TP63: variants seen among roughly 807,000 people sequenced by gnomAD.
TP63 encodes tumor protein 63.
TP63 carries 17 observed loss-of-function variants against 82.8 expected under a neutral mutation model. The ratio of observed to expected loss-of-function variants is 0.21; its 90% CI spans 0.14 to 0.31. The LOEUF is 0.31. TP63 is among the 10% of genes least tolerant of loss of function. TP63 has a pLI of 1.00. For synonymous variants in TP63, 330 were observed against 321.7 expected, an observed-to-expected ratio of 1.03 and a Z score of -0.28; for missense variants, 648 against 895.3, an observed-to-expected ratio of 0.72 and a Z score of 3.52.
chr3:189,598,105 ACTGAATGACAGGTCAG>A, the TP63 span, among the ~76,000 whole-genome samples: 1 of 152,116 alleles, frequency 6.6e-6, no homozygotes, highest in Admixed American at 6.6e-5. Context: ...AGACTAGTGA[ACTGAATGACAGGTCAG>A]CATAAAATAT....
At chr3:189,658,094 A>G (rs1713549198) in intron 1 of TP63, among the ~76,000 whole-genome samples, 1 of 152,130 alleles carries the variant, frequency 6.6e-6, no homozygotes, top group Non-Finnish European at 1.5e-5. Context: ...GTTTCTAACA[A>G]CAGAAACAAT....
intron 4 of TP63, among the ~76,000 whole-genome samples, chr3:189,831,430 A>G (rs192673319): frequency 1.6e-4 from 25 of 152,178 alleles, no homozygotes; most frequent in African/African-American, 6.0e-4. Context: ...TTATACATTT[A>G]TATGCACAGG....
chr3:189,880,078 G>C (rs775499232), intron 10 of TP63: 2 of 1,613,684 alleles, frequency 1.2e-6, no homozygotes, highest in Non-Finnish European at 8.5e-7. Flanking sequence ...CTTTCAGCCT[G>C]CTTCAGGAAT....
intron 1 of TP63, among the ~76,000 whole-genome samples, chr3:189,733,519 G>A (rs548407866): frequency 2.0e-5 from 3 of 152,284 alleles, no homozygotes; most frequent in East Asian, 1.9e-4. Context: ...CAGGCATCCC[G>A]TTTGGATCTT....
chr3:189,645,794 T>A (rs1463260656), intron 1 of TP63, among the ~76,000 whole-genome samples: 1 of 146,868 alleles, frequency 6.8e-6, no homozygotes, highest in African/African-American at 2.6e-5. Flanking sequence ...CTCAGAATGA[T>A]GGTTTCCAGC....
rs974066996 is a variant in TP63 at position 189,754,004 on chromosome 3, C to G, written c.324+15230C>G. Among the ~76,000 whole-genome samples, 9 of 152,210 alleles carry G rather than the reference C, an allele frequency of 5.9e-5. No homozygotes were observed. The East Asian group carries it at 1.7e-3, about 29-fold the overall frequency. ...TATTTCTGTACATTGAAAACTTCAT[C>G]AGATGCTTATAATTTTTACTTTTGT... is the stretch of plus-strand genomic sequence containing the variant. On this transcript the variant is annotated intron_variant, in intron 3 of 13. Coordinates refer to ENST00000264731, the MANE Select transcript of TP63 (RefSeq NM_003722.5).
intron 4 of TP63, among the ~76,000 whole-genome samples, chr3:189,855,675 A>T (rs1716196455): frequency 6.6e-6 from 1 of 151,898 alleles, no homozygotes; most frequent in Non-Finnish European, 1.5e-5. Flanking sequence ...TCTTTGTATT[A>T]TATGCCCCTA....
chr3:189,596,797 C>G, the TP63 span, among the ~76,000 whole-genome samples: 1 of 152,282 alleles, frequency 6.6e-6, no homozygotes, highest in East Asian at 1.9e-4. Context: ...TTCTTTTGCT[C>G]TTTGCAGTAA....
At chr3:189,839,589 T>G (rs1483662275) in intron 4 of TP63, among the ~76,000 whole-genome samples, 2 of 152,234 alleles carry the variant, frequency 1.3e-5, no homozygotes, top group Non-Finnish European at 2.9e-5. Flanking sequence ...AACTAGTACC[T>G]TAGTCAAAGA....
At chr3:189,736,461 G>A in intron 1 of TP63, among the ~76,000 whole-genome samples, 1 of 151,952 alleles carries the variant, frequency 6.6e-6, no homozygotes, top group South Asian at 2.1e-4. Context: ...ATTTTCATCA[G>A]CAAAGGCTCT....
At position 189,839,451 on chromosome 3, in the gene TP63, G is replaced by A. The variant is rs140649859; in HGVS notation, c.580-24781G>A. On this transcript the variant is annotated intron_variant, in intron 4 of 13. Coordinates refer to ENST00000264731, the MANE Select transcript of TP63 (RefSeq NM_003722.5). ...ATAGGAACTTCAGACATAGAATGGA[G>A]CATCCATTTATAGTGATTTAAGTTC... Among the ~76,000 whole-genome samples, 804 of 152,240 alleles carry A rather than the reference G, an allele frequency of 5.3e-3. 26 individuals are homozygous for A. The East Asian group carries it at 0.083, about 16-fold the overall frequency.
At chr3:189,752,439 C>T (rs76458431) in intron 3 of TP63, among the ~76,000 whole-genome samples, 9,168 of 152,218 alleles carry the variant, frequency 0.06, 366 homozygotes, top group Admixed American at 0.13. Flanking sequence ...CCTCAGCCTC[C>T]CAAATTTCTA....
intron 1 of TP63, among the ~76,000 whole-genome samples, chr3:189,672,783 A>G (rs1315221404): frequency 1.3e-5 from 2 of 152,170 alleles, no homozygotes; most frequent in East Asian, 1.9e-4. Context: ...AAGTATGAGC[A>G]GAATTCAACC....
At chr3:189,886,963 C>G (rs1215673526) in intron 11 of TP63, among the ~76,000 whole-genome samples, 2 of 152,120 alleles carry the variant, frequency 1.3e-5, no homozygotes, top group African/African-American at 2.4e-5. Flanking sequence ...AATCCTAGCA[C>G]TTTGGGAGGC....
intron 4 of TP63, among the ~76,000 whole-genome samples, chr3:189,841,749 A>G (rs563929889): frequency 1.3e-5 from 2 of 152,340 alleles, no homozygotes; most frequent in African/African-American, 4.8e-5. Context: ...TAAGAATTCT[A>G]TACTGTGAGT....
chr3:189,622,146 A>T, the TP63 span, among the ~76,000 whole-genome samples: 1 of 152,208 alleles, frequency 6.6e-6, no homozygotes. Context: ...CAGAGTTAAC[A>T]TTCTTGACTC....
intron 1 of TP63, among the ~76,000 whole-genome samples, chr3:189,670,769 T>C (rs796136119): frequency 3.9e-4 from 59 of 152,180 alleles, no homozygotes; most frequent in African/African-American, 1.4e-3. Context: ...AGCCAGTTGA[T>C]TTTTGACCCA....
At position 189,844,320 on chromosome 3, in the gene TP63, C is replaced by T. The variant is rs529654804; in HGVS notation, c.580-19912C>T. The T allele has an allele frequency of 1.4e-3, 582 of 401,850 alleles. 1 individual carries two copies. Among genetic ancestry groups the T allele is most frequent in the Non-Finnish European group, 2.4e-3 (474 of 196,434 alleles). 24.9% of individuals were successfully genotyped at this position (401,850 alleles called of 1,614,324 possible). ...CCAAGTAGGTGGGATTACAGGCACGCGCCACCACGCCCAGCTAATTTTTGG... is the reference window on the plus strand; with the variant it reads ...CCAAGTAGGTGGGATTACAGGCACGTGCCACCACGCCCAGCTAATTTTTGG... On this transcript the variant is annotated intron_variant, in intron 4 of 13. Coordinates refer to ENST00000264731, the MANE Select transcript of TP63 (RefSeq NM_003722.5).
intron 10 of TP63, among the ~76,000 whole-genome samples, chr3:189,879,208 A>G (rs1477490002): frequency 2.0e-5 from 3 of 152,214 alleles, no homozygotes; most frequent in Non-Finnish European, 4.4e-5. Flanking sequence ...CCTAGCATTA[A>G]GCAAATAAAA....
Sources: gnomAD v4.1 joint callset for allele counts (sites outside exome capture counted in the v4.1 genomes callset) on GRCh38, gnomAD v4.1.1 for gene constraint, MANE v1.5 for transcripts, NCBI Gene and HGNC (gene_info 2026-07-23, HGNC 2026-07-21) for gene names.